The following EPS15 variants were observed in gnomAD, a reference collection of about 807,000 sequenced individuals.
EPS15 encodes epidermal growth factor receptor substrate 15.
A neutral mutation model predicts 113.8 loss-of-function variants in EPS15; 72 were observed. That is an observed-to-expected ratio of 0.63 (90% CI 0.52 to 0.77). EPS15 has a LOEUF of 0.77. Ranked by LOEUF, EPS15 falls within the 30% of genes least tolerant of loss-of-function variation. The pLI is 0.00. For synonymous variants in EPS15, 344 were observed against 363.4 expected, an observed-to-expected ratio of 0.95 and a Z score of 0.61; for missense variants, 1,048 against 1,045.8, an observed-to-expected ratio of 1.00 and a Z score of -0.03.
chr1:51,373,272 A>T (rs1646707799), intron 21 of EPS15: 1 of 154,000 alleles, frequency 6.5e-6, no homozygotes. Flanking sequence ...TTATAAACTA[A>T]ACCAGTATGT....
chr1:51,478,053 G>A (rs960124348), intron 2 of EPS15, among the ~76,000 whole-genome samples: 3 of 152,158 alleles, frequency 2.0e-5, no homozygotes, highest in African/African-American at 7.2e-5. Flanking sequence ...TGACAGTGTG[G>A]TGTTAAAGTC....
intron 4 of EPS15, among the ~76,000 whole-genome samples, chr1:51,471,256 T>C (rs1655214664): frequency 6.6e-6 from 1 of 152,220 alleles, no homozygotes; most frequent in Non-Finnish European, 1.5e-5. Flanking sequence ...AATTTACTTC[T>C]GGTTTATAAA....
intron 1 of EPS15, among the ~76,000 whole-genome samples, chr1:51,499,938 T>C (rs1212104011): frequency 6.6e-6 from 1 of 152,260 alleles, no homozygotes; most frequent in South Asian, 2.1e-4. Context: ...AATCTGTACA[T>C]GTTAAACACT....
chr1:51,471,609 T>C, intron 4 of EPS15, 81 bp downstream of exon 4: 1 of 1,166,468 alleles, frequency 8.6e-7, no homozygotes, highest in South Asian at 1.3e-5. Flanking sequence ...ATTCTTGGCT[T>C]CAAAATACAA....
At chr1:51,503,034 A>G (rs1644439770) in intron 1 of EPS15, among the ~76,000 whole-genome samples, 1 of 151,964 alleles carries the variant, frequency 6.6e-6, no homozygotes, top group African/African-American at 2.4e-5. Context: ...AATTCCATTC[A>G]CAATAGCATC....
At chr1:51,435,685 G>T (rs1408480488) in intron 12 of EPS15, among the ~76,000 whole-genome samples, 1 of 152,198 alleles carries the variant, frequency 6.6e-6, no homozygotes, top group Non-Finnish European at 1.5e-5. Flanking sequence ...GTTAAGTAAT[G>T]TGTGTGTTAA....
At chr1:51,420,926 A>G (rs918884014) in intron 13 of EPS15, among the ~76,000 whole-genome samples, 6 of 152,214 alleles carry the variant, frequency 3.9e-5, no homozygotes, top group Admixed American at 3.9e-4. Context: ...GAAAAGCAGG[A>G]AAATCCAACA....
intron 22 of EPS15, among the ~76,000 whole-genome samples, chr1:51,364,753 C>A (rs890876546): frequency 1.3e-5 from 2 of 152,040 alleles, no homozygotes; most frequent in African/African-American, 4.8e-5. Context: ...CCCATCTCAG[C>A]CTCCCAAGAT....
chr1:51,409,600 G>T lies in EPS15; in HGVS notation c.1210C>A (p.Gln404Lys). Residue 404 changes from glutamine to lysine, a missense_variant, in exon 14 of 25, where the codon CAG becomes AAG. Gln to Lys is a moderately conservative substitution (Grantham distance 53). Coordinates refer to ENST00000371733, the MANE Select transcript of EPS15 (RefSeq NM_001981.3). ...VQELLDELDE[Q>K]KAQLEEQLKE... ...AGTTGCTCCTCCAGCTGGGCTTTCT[G>T]CTCATCCAGTTCATCAAGGAGTTCC... The T allele has an allele frequency of 6.2e-7, 1 of 1,613,980 alleles. No individual in the cohort carries two copies. Among genetic ancestry groups the T allele is most frequent in the Non-Finnish European group, 8.5e-7 (1 of 1,179,946 alleles).
intron 24 of EPS15, 67 bp downstream of exon 24, chr1:51,361,104 A>G: frequency 8.4e-7 from 1 of 1,183,948 alleles, no homozygotes; most frequent in Non-Finnish European, 1.2e-6. Context: ...AACTTGGCAG[A>G]CTCCAAAATA....
intron 13 of EPS15, among the ~76,000 whole-genome samples, chr1:51,420,846 A>G (rs1239714822): frequency 6.6e-6 from 1 of 152,132 alleles, no homozygotes; most frequent in African/African-American, 2.4e-5. Context: ...ATCTCTAATG[A>G]ATGTCCTGCA....
Position 51,408,236 on chromosome 1 carries a change from G to GT in EPS15, c.1371dup (p.Gln458ThrfsTer33), listed in dbSNP as rs1435333322. The GT allele has an allele frequency of 6.2e-7, 1 of 1,613,970 alleles. No individual in the cohort carries two copies. Among genetic ancestry groups the GT allele is most frequent in the Admixed American group, 1.7e-5 (1 of 60,020 alleles). ...TCCTCCAATTCTGCTGTTTCTTGCT[G>GT]TAGACGGCTCAGCTCTTCTCTAGCT... On this transcript the variant is annotated frameshift_variant, in exon 15 of 25. Transcript: ENST00000371733. LOFTEE classifies it high-confidence loss of function.
At chr1:51,375,194 G>C (rs1285414769) in intron 21 of EPS15, among the ~76,000 whole-genome samples, 3 of 151,040 alleles carry the variant, frequency 2.0e-5, no homozygotes, top group Non-Finnish European at 4.4e-5. Context: ...GTAGAGACAG[G>C]GTTTCACTGT....
At chr1:51,369,577 T>C (rs565539347) in intron 21 of EPS15, among the ~76,000 whole-genome samples, 1 of 152,340 alleles carries the variant, frequency 6.6e-6, no homozygotes, top group East Asian at 1.9e-4. Flanking sequence ...TAAATCTCAC[T>C]ATCAGAAATA....
chr1:51,512,933 T>C lies in EPS15; in HGVS notation c.33+6266A>G, dbSNP rs1031089812. On this transcript the variant is annotated intron_variant, in intron 1 of 24. Coordinates refer to ENST00000371733, the MANE Select transcript of EPS15 (RefSeq NM_001981.3). ...GGTGCAATTATAGCTCACTGTAACC[T>C]GCTAATCATAGCTCACCTGTAGCCT... Among the ~76,000 whole-genome samples the C allele has an allele frequency of 5.3e-5, 8 of 149,794 alleles. No homozygotes were observed. The Admixed American group carries it at 5.4e-4, about 10-fold the overall frequency.
intron 12 of EPS15, among the ~76,000 whole-genome samples, chr1:51,426,304 C>T (rs1189992463): frequency 1.3e-5 from 2 of 150,388 alleles, no homozygotes; most frequent in African/African-American, 2.5e-5. Flanking sequence ...GGCTCCTGGT[C>T]GAAGCTTAGC....
intron 2 of EPS15, 69 bp downstream of exon 2, chr1:51,481,204 G>T: frequency 1.2e-6 from 1 of 810,088 alleles, no homozygotes; most frequent in Non-Finnish European, 2.2e-6. Flanking sequence ...GTAATCTACA[G>T]GCATACAATC....
At chr1:51,360,278 G>A (rs1646352595) in intron 24 of EPS15, among the ~76,000 whole-genome samples, 1 of 152,068 alleles carries the variant, frequency 6.6e-6, no homozygotes. Context: ...TTATAGAACA[G>A]GCAATGATAA....
At chr1:51,384,294 CTTTCTTT>C (rs1309893618) in intron 21 of EPS15, among the ~76,000 whole-genome samples, 14 of 98,514 alleles carry the variant, frequency 1.4e-4, no homozygotes, top group African/African-American at 5.2e-4. Flanking sequence ...CTTTTTCTTT[CTTTCTTT>C]TTTTTTTTTT....
Sources: gnomAD v4.1 joint callset for allele counts (sites outside exome capture counted in the v4.1 genomes callset) on GRCh38, gnomAD v4.1.1 for gene constraint, MANE v1.5 for transcripts, NCBI Gene and HGNC (gene_info 2026-07-23, HGNC 2026-07-21) for gene names.